Variants in CDKAL1 observed in about 807,000 individuals in gnomAD.
The protein encoded by CDKAL1 is threonylcarbamoyladenosine tRNA methylthiotransferase.
In CDKAL1, 32 loss-of-function variants were observed where a neutral mutation model predicts 68.2. The observed-to-expected ratio is 0.47, with a 90% CI of 0.35 to 0.63. CDKAL1 has a LOEUF of 0.63. CDKAL1 is among the 30% of genes least tolerant of loss of function. CDKAL1 has a pLI of 0.00. For synonymous variants in CDKAL1, 234 were observed against 244.3 expected (o/e 0.96, Z 0.39); for missense variants, 606 against 696.7 (o/e 0.87, Z 1.47).
At chr6:20,625,814 G>GA (rs1233050513) in intron 4 of CDKAL1, among the ~76,000 whole-genome samples, 3 of 151,712 alleles carry the variant, frequency 2.0e-5, no homozygotes, top group Admixed American at 1.3e-4. Flanking sequence ...ACTGTTATGT[G>GA]AAAAAAAATG....
chr6:20,874,709 G>C (rs2150549298), intron 9 of CDKAL1, among the ~76,000 whole-genome samples: 1 of 151,970 alleles, frequency 6.6e-6, no homozygotes, highest in South Asian at 2.1e-4. Context: ...CACCATGTTG[G>C]TCAGGCTGGT....
chr6:21,160,646 C>CACAT (rs1776876835), intron 13 of CDKAL1, among the ~76,000 whole-genome samples: 1 of 115,252 alleles, frequency 8.7e-6, no homozygotes, highest in Non-Finnish European at 1.9e-5. Context: ...GACACACACA[C>CACAT]ACACACACAC....
intron 13 of CDKAL1, among the ~76,000 whole-genome samples, chr6:21,196,645 C>G (rs1237371697): frequency 6.6e-6 from 1 of 152,094 alleles, no homozygotes; most frequent in Admixed American, 6.5e-5. Context: ...GTTAGGTGGT[C>G]TATTTAGTGC....
Position 20,616,172 on chromosome 6 carries a change from T to C in CDKAL1, c.287-33121T>C, listed in dbSNP as rs1159136548. ...TTTTGGTACTAGTACCATGCTGTTT[T>C]GGTTACTGTAGCCTTGTAGTATAGT... On this transcript the variant is annotated intron_variant, in intron 4 of 15. Coordinates refer to ENST00000274695, the MANE Select transcript of CDKAL1 (RefSeq NM_017774.3). Among the ~76,000 whole-genome samples, 18 of 152,168 alleles carry C rather than the reference T, an allele frequency of 1.2e-4. No individual in the cohort carries two copies. The East Asian group carries it at 1.7e-3, about 15-fold the overall frequency.
intron 4 of CDKAL1, among the ~76,000 whole-genome samples, chr6:20,611,241 T>C (rs971690645): frequency 6.6e-6 from 1 of 152,174 alleles, no homozygotes; most frequent in East Asian, 1.9e-4. Context: ...AATCTGAGGT[T>C]TCGTGTCTTA....
At chr6:20,881,101 G>A (rs1316047237) in intron 9 of CDKAL1, among the ~76,000 whole-genome samples, 2 of 152,142 alleles carry the variant, frequency 1.3e-5, no homozygotes, top group Admixed American at 1.3e-4. Context: ...CTCTAAGTGT[G>A]ATCCCCAAAC....
chr6:20,739,392 T>G lies in CDKAL1; in HGVS notation c.372-127T>G. 4 of 563,418 alleles carry G rather than the reference T, an allele frequency of 7.1e-6. 1 individual carries two copies. The South Asian group carries it at 1.0e-4, about 14-fold the overall frequency. The allele number at this position is 563,418 out of a possible 1,614,324, so 34.9% of individuals were successfully genotyped here. A position where few individuals can be genotyped will look rare whatever the true frequency, so the allele number is the denominator to read the frequency against. ...TTATTATGTGTTCTTTAACCAGTTG[T>G]AAGAAAATCTTGTTTCATGTGAGAT... On this transcript the variant is annotated intron_variant, in intron 5 of 15. Transcript: ENST00000274695.
intron 11 of CDKAL1, among the ~76,000 whole-genome samples, chr6:21,018,891 T>C (rs909596348): frequency 6.6e-6 from 1 of 152,158 alleles, no homozygotes; most frequent in African/African-American, 2.4e-5. Flanking sequence ...AGGGAAGATA[T>C]ACATGGCCCA....
intron 4 of CDKAL1, among the ~76,000 whole-genome samples, chr6:20,606,620 A>G (rs1215448588): frequency 1.3e-5 from 2 of 152,200 alleles, no homozygotes; most frequent in African/African-American, 4.8e-5. Flanking sequence ...TTTTAAGGAT[A>G]TGTTTCTGTG....
intron 9 of CDKAL1, among the ~76,000 whole-genome samples, chr6:20,897,425 C>A (rs6918643): frequency 6.6e-6 from 1 of 151,850 alleles, no homozygotes; most frequent in Non-Finnish European, 1.5e-5. Context: ...GCCTCCCAAT[C>A]CTGCCGCAAG....
intron 9 of CDKAL1, among the ~76,000 whole-genome samples, chr6:20,913,015 A>G (rs751649347): frequency 1.8e-4 from 27 of 152,060 alleles, no homozygotes; most frequent in African/African-American, 4.6e-4. Context: ...AAGAAAACAA[A>G]AAAAAGTGTT....
At chr6:20,617,924 T>C (rs1022952641) in intron 4 of CDKAL1, among the ~76,000 whole-genome samples, 1 of 152,218 alleles carries the variant, frequency 6.6e-6, no homozygotes, top group African/African-American at 2.4e-5. Context: ...ATCCTCTGAG[T>C]ATATACTCAG....
intron 9 of CDKAL1, among the ~76,000 whole-genome samples, chr6:20,902,311 TCACACACACACACACACACACACA>T (rs71658260): frequency 1.2e-4 from 1 of 8,218 alleles, no homozygotes; most frequent in African/African-American, 7.3e-4. Context: ...CGTGGTGGAT[TCACACACACACACACACACACACA>T]CACACACACA....
chr6:20,562,046 G>T (rs1029986989), intron 4 of CDKAL1, among the ~76,000 whole-genome samples: 1 of 152,136 alleles, frequency 6.6e-6, no homozygotes, highest in Non-Finnish European at 1.5e-5. Context: ...TCAATTTAAT[G>T]GGATTGGATT....
At chr6:20,591,643 T>G (rs1032414873) in intron 4 of CDKAL1, among the ~76,000 whole-genome samples, 2 of 152,180 alleles carry the variant, frequency 1.3e-5, no homozygotes, top group Non-Finnish European at 2.9e-5. Flanking sequence ...TTTCCCCATT[T>G]CTTGTTTTTG....
chr6:20,599,480 A>G (rs756150166), intron 4 of CDKAL1: 7 of 357,054 alleles, frequency 2.0e-5, no homozygotes, highest in Admixed American at 1.0e-4. Flanking sequence ...AAACTTACTC[A>G]TTCATGCAAA....
At chr6:20,899,654 C>T (rs1267571092) in intron 9 of CDKAL1, among the ~76,000 whole-genome samples, 3 of 151,990 alleles carry the variant, frequency 2.0e-5, no homozygotes, top group Admixed American at 6.6e-5. Flanking sequence ...ACCAGCCTGG[C>T]CAACATGGTG....
intron 9 of CDKAL1, among the ~76,000 whole-genome samples, chr6:20,949,626 C>T (rs1267384850): frequency 1.3e-5 from 2 of 152,058 alleles, no homozygotes; most frequent in East Asian, 1.9e-4. Flanking sequence ...AGGTCCTAGG[C>T]GTATGTGTTT....
chr6:20,712,231 G>A (rs969472353), intron 5 of CDKAL1, among the ~76,000 whole-genome samples: 7 of 152,100 alleles, frequency 4.6e-5, no homozygotes, highest in African/African-American at 7.2e-5. Context: ...GTCTGTGCTC[G>A]GGGCAGTATG....
Sources: allele counts gnomAD v4.1 joint callset (sites outside exome capture counted in the v4.1 genomes callset), GRCh38; gene constraint gnomAD v4.1.1; transcripts MANE v1.5; gene names NCBI Gene and HGNC (gene_info 2026-07-23, HGNC 2026-07-21).